Variants in OR6C2 observed in about 807,000 individuals in gnomAD.
OR6C2 encodes olfactory receptor family 6 subfamily C member 2.
For synonymous variants in OR6C2, 146 were observed against 134.2 expected, an observed-to-expected ratio of 1.09 and a Z score of -0.61; for missense variants, 435 against 365.8, an observed-to-expected ratio of 1.19 and a Z score of -1.54.
intron 1 of OR6C2, among the ~76,000 whole-genome samples, chr12:55,445,126 CACTAAGAAGT>C (rs1172900638): frequency 6.6e-6 from 1 of 152,154 alleles, no homozygotes; most frequent in Admixed American, 6.6e-5. Flanking sequence ...TTGAGAGTTT[CACTAAGAAGT>C]ACTAAGAAGT....
Position 55,452,363 on chromosome 12 carries a change from C to G in OR6C2, c.150C>G (p.Asp50Glu). ...CTATTATCACCCTCACATTGGTGGA[C>G]CACCACCTTAAAACTCCTATGTACT... ...NLTIITLTLV[D>E]HHLKTPMYFF... The change falls in exon 2 of 2, where the codon GAC becomes GAG. Residue 50 changes from aspartate (D) to glutamate (E), a missense_variant. Physicochemically the swap from Asp to Glu is conservative, Grantham distance 45. Coordinates refer to ENST00000641202, the MANE Select transcript of OR6C2 (RefSeq NM_054105.2). 1 of 1,613,634 alleles carries G rather than the reference C, an allele frequency of 6.2e-7. No homozygotes were observed. Among genetic ancestry groups the G allele is most frequent in the East Asian group, 2.2e-5 (1 of 44,874 alleles).
At chr12:55,445,653 G>A (rs929765367) in intron 1 of OR6C2, among the ~76,000 whole-genome samples, 7 of 152,290 alleles carry the variant, frequency 4.6e-5, no homozygotes, top group Non-Finnish European at 1.0e-4. Flanking sequence ...ATAATGGTCA[G>A]AGATGACATG....
intron 1 of OR6C2, among the ~76,000 whole-genome samples, chr12:55,448,609 T>C (rs1487631548): frequency 1.5e-5 from 2 of 135,610 alleles, no homozygotes; most frequent in Non-Finnish European, 3.1e-5. Context: ...CCACATATCT[T>C]TTACCTTATC....
chr12:55,444,449 A>C (rs1233358985), intron 1 of OR6C2, among the ~76,000 whole-genome samples: 1 of 152,188 alleles, frequency 6.6e-6, no homozygotes, highest in Admixed American at 6.5e-5. Flanking sequence ...ACAAAAAAGC[A>C]TATTACATTG....
intron 1 of OR6C2, among the ~76,000 whole-genome samples, chr12:55,448,655 A>AAAAAAAGAAAG (rs1555179349): frequency 6.8e-6 from 1 of 147,326 alleles, no homozygotes; most frequent in Admixed American, 6.7e-5. Context: ...AAAAAAAAAA[A>AAAAAAAGAAAG]AAAAGAAAGA....
rs951159049 is a variant in OR6C2, at chr12:55,451,999, G to C, written c.-215G>C. On this transcript the variant is annotated 5_prime_UTR_variant, in exon 2 of 2. An upstream open reading frame in the 5' UTR loses its in-frame stop. Transcript: ENST00000641202. ...AAAGTTGGATTGTTTTACAAAACTT[G>C]ATTTCTTAAGGAGATATCCACTGCT... 2.5e-6 allele frequency: 1 copy of C among 405,690 alleles called. No individual in the cohort carries two copies. The highest frequency in any genetic ancestry group is 4.0e-5 in the Admixed American group (1 of 25,294). 25.1% of individuals were successfully genotyped at this position (405,690 alleles called of 1,614,324 possible).
intron 1 of OR6C2, among the ~76,000 whole-genome samples, chr12:55,449,127 G>T (rs1225592723): frequency 6.6e-6 from 1 of 151,866 alleles, no homozygotes; most frequent in Non-Finnish European, 1.5e-5. Flanking sequence ...GAAAGAAACA[G>T]ACTTTAGGAT....
chr12:55,448,644 A>AAAAAAAAAAAAAAAAG (rs1555179346), intron 1 of OR6C2, among the ~76,000 whole-genome samples: 1,073 of 22,164 alleles, frequency 0.048, 26 homozygotes, highest in African/African-American at 0.22. Context: ...CATTCACTGC[A>AAAAAAAAAAAAAAAAG]AAAAAAAAAA....
chr12:55,449,436 G>A (rs1240520290), intron 1 of OR6C2, among the ~76,000 whole-genome samples: 4 of 151,848 alleles, frequency 2.6e-5, no homozygotes, highest in Non-Finnish European at 4.4e-5. Flanking sequence ...ATGTAACAGA[G>A]AAAGAACAAA....
At chr12:55,450,771 A>G (rs1406595073) in intron 1 of OR6C2, among the ~76,000 whole-genome samples, 1 of 152,132 alleles carries the variant, frequency 6.6e-6, no homozygotes, top group Non-Finnish European at 1.5e-5. Flanking sequence ...GAGACTAAAA[A>G]GAGAAACAAT....
chr12:55,451,684 G>A lies in OR6C2; in HGVS notation c.-530G>A, dbSNP rs979097663. On this transcript the variant is annotated 5_prime_UTR_variant, in exon 2 of 2. Transcript: ENST00000641202. ...CAGCAGAGAAGAATAAAAAGACCGG[G>A]GAAAGGCTCAGGGACAACGGTTGTA... is the stretch of plus-strand genomic sequence containing the variant. The A allele has an allele frequency of 1.3e-5, 2 of 152,078 alleles. No homozygotes were observed. Among genetic ancestry groups the A allele is most frequent in the Non-Finnish European group, 2.9e-5 (2 of 68,052 alleles). The allele number at this position is 152,078 out of a possible 1,614,324, so 9.4% of individuals were successfully genotyped here.
chr12:55,450,263 G>T (rs1205372461), intron 1 of OR6C2, among the ~76,000 whole-genome samples: 2 of 152,070 alleles, frequency 1.3e-5, no homozygotes, highest in African/African-American at 4.8e-5. Flanking sequence ...CACTGTGTGG[G>T]TAAATGAACA....
At chr12:55,446,034 A>G (rs929909118) in intron 1 of OR6C2, among the ~76,000 whole-genome samples, 8 of 152,242 alleles carry the variant, frequency 5.3e-5, no homozygotes, top group African/African-American at 1.9e-4. Context: ...AATTATACAC[A>G]CTAAATAACC....
chr12:55,452,620 A>G lies in OR6C2; in HGVS notation c.407A>G (p.Asn136Ser), dbSNP rs1449608982. The G allele has an allele frequency of 2.5e-6, 4 of 1,613,754 alleles. No individual in the cohort carries two copies. Among genetic ancestry groups the G allele is most frequent in the East Asian group, 4.5e-5 (2 of 44,874 alleles). ...KPLHYVVIMN[N>S]RVCTLLVLCC... ...CTTCATTATGTGGTCATCATGAACA[A>G]CAGGGTGTGTACCTTATTAGTTCTC... is the stretch of plus-strand genomic sequence containing the variant. Residue 136 changes from asparagine (N) to serine (S), a missense_variant, in exon 2 of 2, where the codon AAC becomes AGC. Transcript: ENST00000641202.
rs1871529601 is a variant in OR6C2, at chr12:55,453,270, A to C, written c.*118A>C. 1 of 684,434 alleles carries C rather than the reference A, an allele frequency of 1.5e-6. No homozygotes were observed. The highest frequency in any genetic ancestry group is 1.8e-5 in the African/African-American group (1 of 55,196). 42.4% of individuals were successfully genotyped at this position (684,434 alleles called of 1,614,324 possible). A position where few individuals can be genotyped will look rare whatever the true frequency, so the allele number is the denominator to read the frequency against. On this transcript the variant is annotated 3_prime_UTR_variant, in exon 2 of 2. Transcript: ENST00000641202. ...TTTAGTCATGTGAACCTTCTCAATG[A>C]CATTTAATATTGCATCCTAATCCCA...
At chr12:55,446,995 T>C (rs1417302537) in intron 1 of OR6C2, among the ~76,000 whole-genome samples, 1 of 152,164 alleles carries the variant, frequency 6.6e-6, no homozygotes, top group East Asian at 1.9e-4. Context: ...CCAAACCGTA[T>C]TGTTGAACTT....
intron 1 of OR6C2, among the ~76,000 whole-genome samples, chr12:55,447,152 C>T (rs983687701): frequency 8.6e-5 from 13 of 152,036 alleles, no homozygotes; most frequent in South Asian, 2.1e-4. Context: ...GTCTCATGGT[C>T]CTCACTATAT....
At chr12:55,447,290 A>C (rs2120677390) in intron 1 of OR6C2, among the ~76,000 whole-genome samples, 1 of 151,632 alleles carries the variant, frequency 6.6e-6, no homozygotes, top group Non-Finnish European at 1.5e-5. Flanking sequence ...GTGAGTCTTA[A>C]GTTAGTTTTC....
Position 55,453,079 on chromosome 12 carries a change from C to A in OR6C2, c.866C>A (p.Thr289Asn). ...VAPLLNPFIY[T>N]LRNKQVKQAF... ...CCCTTGTTGAACCCCTTCATTTACA[C>A]CTTGAGGAACAAGCAAGTGAAACAA... The change falls in exon 2 of 2, where the codon ACC (threonine) becomes AAC (asparagine). Residue 289 changes from threonine (T) to asparagine (N), a missense_variant. Transcript: ENST00000641202. 3 of 1,613,352 alleles carry A rather than the reference C, an allele frequency of 1.9e-6. No homozygotes were observed. Among genetic ancestry groups the A allele is most frequent in the Non-Finnish European group, 2.5e-6 (3 of 1,179,592 alleles).
Sources: gnomAD v4.1 joint callset for allele counts (sites outside exome capture counted in the v4.1 genomes callset) on GRCh38, gnomAD v4.1.1 for gene constraint, MANE v1.5 for transcripts, NCBI Gene and HGNC (gene_info 2026-07-23, HGNC 2026-07-21) for gene names.